Variants in CACNB4 observed in about 807,000 individuals in gnomAD.
CACNB4 encodes voltage-dependent L-type calcium channel subunit beta-4.
CACNB4 carries 32 observed loss-of-function variants against 71.2 expected under a neutral mutation model. That is an observed-to-expected ratio of 0.45 (90% confidence interval 0.34 to 0.60). CACNB4 has a LOEUF of 0.60. Among genes scored for constraint, CACNB4 ranks in the 20% least tolerant of loss-of-function variants. The probability of loss-of-function intolerance (pLI) is 0.01; values close to 1 mark genes in which losing one functional copy is unlikely to be tolerated. For synonymous variants in CACNB4, 231 were observed against 236.9 expected (o/e 0.97, Z 0.23); for missense variants, 464 against 647.9 (o/e 0.72, Z 3.08).
chr2:151,862,364 G>A (rs2099841962), intron 9 of CACNB4, among the ~76,000 whole-genome samples: 1 of 152,154 alleles, frequency 6.6e-6, no homozygotes, highest in Non-Finnish European at 1.5e-5. Context: ...CAAAAGTTCT[G>A]GTGCCATTTT....
At chr2:152,071,676 G>C (rs988114793) in intron 2 of CACNB4, among the ~76,000 whole-genome samples, 1 of 152,142 alleles carries the variant, frequency 6.6e-6, no homozygotes, top group African/African-American at 2.4e-5. Flanking sequence ...TAGCAATTGG[G>C]CCTATAGTAA....
At chr2:152,032,955 TAA>T (rs5835405) in intron 2 of CACNB4, among the ~76,000 whole-genome samples, 1 of 151,872 alleles carries the variant, frequency 6.6e-6, no homozygotes, top group African/African-American at 2.4e-5. Context: ...CCCTGTCTCT[TAA>T]AAAAAAAATA....
chr2:151,965,873 A>G (rs1419530890), intron 2 of CACNB4, among the ~76,000 whole-genome samples: 2 of 152,232 alleles, frequency 1.3e-5, no homozygotes, highest in African/African-American at 2.4e-5. Context: ...AAAGTCTTAA[A>G]TAAAACATTT....
intron 2 of CACNB4, among the ~76,000 whole-genome samples, chr2:151,925,500 A>G (rs2099859995): frequency 6.6e-6 from 1 of 152,220 alleles, no homozygotes; most frequent in East Asian, 1.9e-4. Flanking sequence ...TGCTGAATGA[A>G]TTCCATAAGT....
chr2:152,015,776 A>C (rs1442162103), intron 2 of CACNB4, among the ~76,000 whole-genome samples: 1 of 152,238 alleles, frequency 6.6e-6, no homozygotes, highest in East Asian at 1.9e-4. Context: ...GCAACAAATG[A>C]GAAATAAACT....
intron 2 of CACNB4, among the ~76,000 whole-genome samples, chr2:152,079,603 T>C (rs886490020): frequency 9.2e-5 from 14 of 151,654 alleles, no homozygotes; most frequent in African/African-American, 2.9e-4. Flanking sequence ...CTGGGCAACA[T>C]AGTGAAACCC....
chr2:152,041,516 G>T (rs574801474), intron 2 of CACNB4, among the ~76,000 whole-genome samples: 1 of 152,182 alleles, frequency 6.6e-6, no homozygotes, highest in East Asian at 1.9e-4. Context: ...CAGGCCAGGG[G>T]CTGAAGGGAT....
At chr2:151,959,509 G>C (rs529960206) in intron 2 of CACNB4, among the ~76,000 whole-genome samples, 2 of 152,300 alleles carry the variant, frequency 1.3e-5, no homozygotes, top group Admixed American at 1.3e-4. Context: ...TTGAAAGCCA[G>C]CTTCTCTATG....
chr2:151,887,892 C>T (rs1036778130), intron 2 of CACNB4, among the ~76,000 whole-genome samples: 1 of 152,068 alleles, frequency 6.6e-6, no homozygotes, highest in African/African-American at 2.4e-5. Context: ...GGTTTGGCAG[C>T]TTTTTCACAT....
intron 2 of CACNB4, among the ~76,000 whole-genome samples, chr2:151,933,646 C>CT (rs2099862187): frequency 6.6e-6 from 1 of 152,148 alleles, no homozygotes; most frequent in South Asian, 2.1e-4. Context: ...TCTACTCAGG[C>CT]TCCCCCTCAC....
chr2:151,964,763 C>A (rs974591117), intron 2 of CACNB4, among the ~76,000 whole-genome samples: 1 of 152,128 alleles, frequency 6.6e-6, no homozygotes, highest in Non-Finnish European at 1.5e-5. Flanking sequence ...TTATGTTTTA[C>A]GTACCAAATT....
chr2:151,983,964 G>A (rs1303226441), intron 2 of CACNB4, among the ~76,000 whole-genome samples: 1 of 151,992 alleles, frequency 6.6e-6, no homozygotes, highest in African/African-American at 2.4e-5. Context: ...AAAGGCAATA[G>A]TATCATAATT....
intron 2 of CACNB4, among the ~76,000 whole-genome samples, chr2:151,986,507 C>A (rs1266286486): frequency 6.6e-6 from 1 of 152,138 alleles, no homozygotes; most frequent in Non-Finnish European, 1.5e-5. Flanking sequence ...CTCTAAGACA[C>A]CAATTATTCC....
chr2:151,927,507 G>C (rs2099860548), intron 2 of CACNB4, among the ~76,000 whole-genome samples: 1 of 152,240 alleles, frequency 6.6e-6, no homozygotes, highest in Non-Finnish European at 1.5e-5. Context: ...GTCATCAGCT[G>C]AGACTGAGGA....
At chr2:152,056,720 T>C (rs917268435) in intron 2 of CACNB4, among the ~76,000 whole-genome samples, 11 of 152,222 alleles carry the variant, frequency 7.2e-5, no homozygotes, top group African/African-American at 2.4e-4. Context: ...CAGTTACCAC[T>C]GCTTGCACCA....
intron 2 of CACNB4, among the ~76,000 whole-genome samples, chr2:151,915,208 C>G (rs2099857153): frequency 1.3e-5 from 2 of 152,146 alleles, no homozygotes; most frequent in African/African-American, 4.8e-5. Context: ...GAAGCCTCAC[C>G]CAATGAGTAA....
At chr2:152,094,848 C>G (rs1439150998) in intron 2 of CACNB4, among the ~76,000 whole-genome samples, 1 of 152,182 alleles carries the variant, frequency 6.6e-6, no homozygotes. Flanking sequence ...GAAGGGCTCT[C>G]CTGAAAGAAA....
At chr2:152,088,182 C>A (rs556544534) in intron 2 of CACNB4, among the ~76,000 whole-genome samples, 57 of 151,798 alleles carry the variant, frequency 3.8e-4, no homozygotes, top group Middle Eastern at 6.8e-3. Context: ...CACACACACA[C>A]ACGGCAAATT....
At chr2:151,849,793 T>C (rs1174822958) in intron 12 of CACNB4, among the ~76,000 whole-genome samples, 1 of 152,162 alleles carries the variant, frequency 6.6e-6, no homozygotes, top group Non-Finnish European at 1.5e-5. Flanking sequence ...TTGTTTGAAG[T>C]GACTGAGTTT....
Sources: gnomAD v4.1 joint callset for allele counts (sites outside exome capture counted in the v4.1 genomes callset) on GRCh38, gnomAD v4.1.1 for gene constraint, MANE v1.5 for transcripts, NCBI Gene and HGNC (gene_info 2026-07-23, HGNC 2026-07-21) for gene names.